Variants in KDM6A observed in about 807,000 individuals in gnomAD.
KDM6A encodes lysine demethylase 6A.
KDM6A carries 11 observed loss-of-function variants against 117.6 expected under a neutral mutation model. The observed-to-expected ratio is 0.09, with a 90% CI of 0.06 to 0.15. KDM6A has a LOEUF of 0.15. KDM6A is among the 10% of genes least tolerant of loss of function. KDM6A has a pLI of 1.00. For missense variants in KDM6A, 799 were observed against 1,077.3 expected, an observed-to-expected ratio of 0.74 and a Z score of 3.62; for synonymous variants, 384 against 396.1, an observed-to-expected ratio of 0.97 and a Z score of 0.36.
At position 45,053,974 on chromosome X, in the gene KDM6A, TTA is replaced by T. The variant is rs780648674; in HGVS notation, c.875+21_875+22del. On this transcript the variant is annotated intron_variant, in intron 10 of 29. Coordinates refer to ENST00000611820, the MANE Select transcript of KDM6A (RefSeq NM_001291415.2). The stretch of plus-strand genomic sequence containing the variant: ...TCGGAAGGTGAGACTTACCAGACAT[TTA>T]TGTTTGATTTTGTCTATTCCAGCTA... 1 of 1,198,995 alleles carries T rather than the reference TTA, an allele frequency of 8.3e-7. No homozygotes were observed. Among genetic ancestry groups the T allele is most frequent in the Non-Finnish European group, 1.1e-6 (1 of 884,209 alleles).
chrX:45,051,054 G>T (rs1345310984), intron 8 of KDM6A, among the ~76,000 whole-genome samples: 1 of 111,536 alleles, frequency 9.0e-6, no homozygotes. Context: ...CTGTTGCCCA[G>T]GCTGGAGTGC....
intron 2 of KDM6A, among the ~76,000 whole-genome samples, chrX:44,947,974 T>G (rs755473303): frequency 9.0e-5 from 10 of 111,285 alleles, no homozygotes; most frequent in Non-Finnish European, 1.9e-4. Context: ...CTGTCTCCAC[T>G]TCTCTTAGTT....
intron 4 of KDM6A, among the ~76,000 whole-genome samples, chrX:44,977,874 A>G (rs1230758433): frequency 8.9e-6 from 1 of 112,399 alleles, no homozygotes; most frequent in Non-Finnish European, 1.9e-5. Context: ...ATATTTGTTC[A>G]TGTCTCTTGC....
intron 4 of KDM6A, among the ~76,000 whole-genome samples, chrX:44,999,320 G>C (rs1203844452): frequency 8.9e-6 from 1 of 111,899 alleles, no homozygotes; most frequent in East Asian, 2.8e-4. Context: ...GAGGGGAAGG[G>C]GTTCTTACCC....
At chrX:45,048,895 T>TTTTTTTTTTTTTTTGAGACGG (rs2043705649) in intron 8 of KDM6A, among the ~76,000 whole-genome samples, 1 of 110,167 alleles carries the variant, frequency 9.1e-6, no homozygotes, top group African/African-American at 3.4e-5. Flanking sequence ...GTTACTTTTT[T>TTTTTTTTTTTTTTTGAGACGG]ACACATCGTT....
intron 27 of KDM6A, among the ~76,000 whole-genome samples, chrX:45,100,750 A>C (rs1258013700): frequency 9.1e-6 from 1 of 109,464 alleles, no homozygotes; most frequent in Non-Finnish European, 1.9e-5. Flanking sequence ...ATTGAAAACC[A>C]CTCTTGCACA....
intron 4 of KDM6A, among the ~76,000 whole-genome samples, chrX:45,003,338 G>T (rs183346444): frequency 9.3e-6 from 1 of 107,259 alleles, no homozygotes; most frequent in East Asian, 3.0e-4. Context: ...TTTAGATCCT[G>T]TTAGGAAACC....
intron 3 of KDM6A, among the ~76,000 whole-genome samples, chrX:44,962,704 A>G (rs1474002760): frequency 9.0e-6 from 1 of 110,619 alleles, no homozygotes; most frequent in Admixed American, 9.5e-5. Context: ...CCTATTACAT[A>G]TAAAAGTTAT....
intron 4 of KDM6A, among the ~76,000 whole-genome samples, chrX:44,997,731 C>CTATA (rs1474729947): frequency 1.8e-5 from 2 of 111,865 alleles, no homozygotes; most frequent in African/African-American, 6.5e-5. Flanking sequence ...GTATTAGAAA[C>CTATA]TATAACTCAC....
chrX:45,059,212 G>A (rs2044206511), intron 11 of KDM6A, 35 bp from the exon 12 acceptor site: 1 of 1,192,188 alleles, frequency 8.4e-7, no homozygotes, highest in African/African-American at 1.8e-5. Flanking sequence ...CAGTTCTTCT[G>A]AGTTGACTTA....
intron 3 of KDM6A, among the ~76,000 whole-genome samples, chrX:44,968,619 T>C (rs753675769): frequency 1.8e-5 from 2 of 112,473 alleles, no homozygotes; most frequent in South Asian, 7.2e-4. Flanking sequence ...TAAATATCTA[T>C]AAATATGTGG....
intron 2 of KDM6A, among the ~76,000 whole-genome samples, chrX:44,890,596 C>G (rs1163693502): frequency 1.2e-4 from 11 of 94,356 alleles, no homozygotes; most frequent in African/African-American, 4.5e-4. Flanking sequence ...ATTGATAGGT[C>G]ATTATGGTTT....
At chrX:45,042,036 G>A (rs1428383252) in intron 8 of KDM6A, among the ~76,000 whole-genome samples, 6 of 108,600 alleles carry the variant, frequency 5.5e-5, no homozygotes, top group Non-Finnish European at 1.2e-4. Context: ...GATCACTCGC[G>A]GTTAGGAGCT....
chrX:45,020,109 C>T (rs900342708), intron 5 of KDM6A, among the ~76,000 whole-genome samples: 5 of 111,192 alleles, frequency 4.5e-5, no homozygotes, highest in African/African-American at 1.3e-4. Context: ...ATATGAAGAC[C>T]GTCTCTTAAC....
intron 4 of KDM6A, among the ~76,000 whole-genome samples, chrX:44,990,887 G>A (rs1569508054): frequency 9.0e-6 from 1 of 111,638 alleles, no homozygotes; most frequent in Non-Finnish European, 1.9e-5. Context: ...TATCAGTATT[G>A]TAAACATTTC....
At chrX:44,995,992 C>T (rs2040846071) in intron 4 of KDM6A, among the ~76,000 whole-genome samples, 1 of 111,722 alleles carries the variant, frequency 9.0e-6, no homozygotes, top group African/African-American at 3.3e-5. Flanking sequence ...CTGCTTTCTC[C>T]ATTTTACAAA....
At chrX:45,044,077 A>C (rs192136666) in intron 8 of KDM6A, among the ~76,000 whole-genome samples, 1 of 112,331 alleles carries the variant, frequency 8.9e-6, no homozygotes, top group East Asian at 2.8e-4. Context: ...AGGCTATACC[A>C]TATAGCTTAG....
At chrX:44,894,967 A>G (rs2146629721) in intron 2 of KDM6A, among the ~76,000 whole-genome samples, 1 of 110,623 alleles carries the variant, frequency 9.0e-6, no homozygotes, top group African/African-American at 3.3e-5. Context: ...GGGTTTCACC[A>G]TGTTGGCCAA....
rs2045472049 is a variant in KDM6A at position 45,082,748 on chromosome X, C to T, written c.3399C>T (p.Thr1133=). 2 of 1,205,640 alleles carry T rather than the reference C, an allele frequency of 1.7e-6. No homozygotes were observed. The highest frequency in any genetic ancestry group is 2.2e-6 in the Non-Finnish European group (2 of 890,652). ...SGRRRKGPFK[T]IKFGTNIDLS... ...GGAGGAGGAAAGGACCCTTTAAAAC[C>T]ATAAAGTTTGGGACCAATATTGACC... is the stretch of plus-strand genomic sequence containing the variant. The change falls in exon 23 of 30, where the codon ACC becomes ACT. Residue 1133 remains threonine (T), a synonymous_variant. Transcript: ENST00000611820.
Sources: gnomAD v4.1 joint callset for allele counts (sites outside exome capture counted in the v4.1 genomes callset) on GRCh38, gnomAD v4.1.1 for gene constraint, MANE v1.5 for transcripts, NCBI Gene and HGNC (gene_info 2026-07-23, HGNC 2026-07-21) for gene names.